The following TAMM41 variants were observed in gnomAD, a reference collection of about 807,000 sequenced individuals.
TAMM41 encodes TAM41 mitochondrial translocator assembly and maintenance homolog.
In TAMM41, 36 loss-of-function variants were observed where a neutral mutation model predicts 44.1. The observed-to-expected ratio is 0.82, with a 90% CI of 0.63 to 1.08. The LOEUF (loss-of-function observed/expected upper bound fraction) is 1.08, where lower values mean the gene tolerates loss of function less well. Ranked by LOEUF, TAMM41 falls within the 50% of genes least tolerant of loss-of-function variation. The pLI, the probability that TAMM41 is intolerant of heterozygous loss-of-function variation, is 0.00. For synonymous variants in TAMM41, 164 were observed against 153.1 expected, an observed-to-expected ratio of 1.07 and a Z score of -0.53; for missense variants, 417 against 404.3, an observed-to-expected ratio of 1.03 and a Z score of -0.27.
At chr3:11,807,975 C>T in intron 6 of TAMM41, 80 bp from the exon 7 acceptor site, 1 of 1,451,670 alleles carries the variant, frequency 6.9e-7, no homozygotes, top group East Asian at 2.5e-5. Flanking sequence ...AAACTTGAAA[C>T]TAAATATTCT....
At chr3:11,769,892 G>A in the TAMM41 span, among the ~76,000 whole-genome samples, 7,606 of 152,278 alleles carry the variant, frequency 0.05, 674 homozygotes, top group African/African-American at 0.17. Flanking sequence ...ACCTAGTTAT[G>A]CAAAGAGCAT....
chr3:11,727,363 G>A, the TAMM41 span, among the ~76,000 whole-genome samples: 2 of 152,154 alleles, frequency 1.3e-5, no homozygotes, highest in African/African-American at 4.8e-5. Flanking sequence ...AGGCTTGCAG[G>A]ACCCACCCAG....
chr3:11,787,404 T>A (rs2077423916), downstream of TAMM41, among the ~76,000 whole-genome samples: 1 of 152,198 alleles, frequency 6.6e-6, no homozygotes, highest in Admixed American at 6.5e-5. Flanking sequence ...TCCAGGGATG[T>A]TAGCAGCGTC....
chr3:11,793,059 CAAAAAA>C (rs61264653), intron 7 of TAMM41, among the ~76,000 whole-genome samples: 4 of 65,122 alleles, frequency 6.1e-5, no homozygotes, highest in South Asian at 8.3e-4. Flanking sequence ...GGCCCCATCT[CAAAAAA>C]AAAAAAAAAA....
At position 11,819,693 on chromosome 3, in the gene TAMM41, G is replaced by A. The variant is rs140448788; in HGVS notation, c.563-2356C>T. On this transcript the variant is annotated intron_variant, in intron 4 of 7. Coordinates refer to ENST00000455809, the MANE Select transcript of TAMM41 (RefSeq NM_001284401.2). The stretch of plus-strand genomic sequence containing the variant: ...GGGGAATGTTTGAGCTCAGGAGTTC[G>A]AGACCAGCCTGGGCAACATAGCGAG... Among the ~76,000 whole-genome samples the A allele has an allele frequency of 3.5e-3, 535 of 151,970 alleles. 2 individuals carry two copies. Among genetic ancestry groups the A allele is most frequent in the African/African-American group, 0.012 (511 of 41,468 alleles).
chr3:11,798,689 T>G (rs118034165), intron 7 of TAMM41, among the ~76,000 whole-genome samples: 1 of 152,156 alleles, frequency 6.6e-6, no homozygotes, highest in East Asian at 1.9e-4. Context: ...TGGAGAAGGA[T>G]AGAGGTTCTG....
intron 7 of TAMM41, among the ~76,000 whole-genome samples, chr3:11,797,667 G>A (rs759566012): frequency 1.3e-4 from 20 of 152,144 alleles, no homozygotes; most frequent in Non-Finnish European, 2.2e-4. Context: ...GAGCTTCTGC[G>A]CAGCAAAAGA....
At chr3:11,758,830 C>T in the TAMM41 span, among the ~76,000 whole-genome samples, 3 of 152,062 alleles carry the variant, frequency 2.0e-5, no homozygotes, top group Non-Finnish European at 2.9e-5. Context: ...TGCACCACCA[C>T]GCCCGGCTAA....
chr3:11,811,205 T>C (rs1259352944), intron 5 of TAMM41: 2 of 152,266 alleles, frequency 1.3e-5, no homozygotes, highest in African/African-American at 4.8e-5. Context: ...TAGGTTTTTA[T>C]CTAAATATTT....
the TAMM41 span, among the ~76,000 whole-genome samples, chr3:11,765,207 G>A: frequency 6.6e-6 from 1 of 152,102 alleles, no homozygotes. Context: ...ATGATCAAGT[G>A]GACCCAGGGA....
At chr3:11,730,248 C>G in the TAMM41 span, among the ~76,000 whole-genome samples, 2 of 151,820 alleles carry the variant, frequency 1.3e-5, no homozygotes, top group Admixed American at 6.6e-5. Context: ...TGGCAAAACC[C>G]CATCTCTACT....
intron 2 of TAMM41, among the ~76,000 whole-genome samples, chr3:11,840,362 A>C (rs1418568999): frequency 6.6e-6 from 1 of 151,692 alleles, no homozygotes; most frequent in East Asian, 1.9e-4. Flanking sequence ...CCTCCTGAGT[A>C]GCTGGGATTA....
chr3:11,733,281 G>A, the TAMM41 span, among the ~76,000 whole-genome samples: 8 of 152,028 alleles, frequency 5.3e-5, no homozygotes, highest in Non-Finnish European at 1.0e-4. Flanking sequence ...TTACAGCCAT[G>A]AGCCACCGCA....
rs146395940 is a variant in TAMM41 at position 11,799,643 on chromosome 3, G to A, written c.937+8190C>T. On this transcript the variant is annotated intron_variant, in intron 7 of 7. Transcript: ENST00000455809. ...GTGAAGAAAAGGCTGTGCAGGAAGA[G>A]AGGTTAAAATGTTTAGAAAAATTTA... Among the ~76,000 whole-genome samples the A allele has an allele frequency of 4.3e-3, 656 of 152,284 alleles. 5 individuals carry two copies. The highest frequency in any genetic ancestry group is 6.4e-3 in the Non-Finnish European group (434 of 68,022).
downstream of TAMM41, among the ~76,000 whole-genome samples, chr3:11,787,491 C>A (rs955145693): frequency 2.0e-5 from 3 of 152,114 alleles, no homozygotes; most frequent in Non-Finnish European, 4.4e-5. Context: ...CCCAGCCTCC[C>A]AACATCTTTC....
At chr3:11,774,681 G>C in the TAMM41 span, among the ~76,000 whole-genome samples, 2 of 152,152 alleles carry the variant, frequency 1.3e-5, no homozygotes, top group Non-Finnish European at 2.9e-5. Context: ...GGAAGTCTGA[G>C]ATCAAGGCAC....
At chr3:11,740,401 T>C in the TAMM41 span, among the ~76,000 whole-genome samples, 3 of 152,194 alleles carry the variant, frequency 2.0e-5, no homozygotes, top group Admixed American at 6.6e-5. Context: ...TTTGCCCCAA[T>C]GGAAACATCT....
intron 2 of TAMM41, among the ~76,000 whole-genome samples, chr3:11,842,975 C>A (rs1319552436): frequency 6.6e-6 from 1 of 152,200 alleles, no homozygotes; most frequent in Non-Finnish European, 1.5e-5. Flanking sequence ...GATGCTTCAG[C>A]TGAAAGACAG....
In TAMM41 at chr3:11,799,092, T is replaced by C. The variant is rs1008095397; in HGVS notation, c.938-8511A>G. Among the ~76,000 whole-genome samples, 8 of 152,010 alleles carry C rather than the reference T, an allele frequency of 5.3e-5. No individual in the cohort carries two copies. The East Asian group carries it at 7.7e-4, about 15-fold the overall frequency. ...AACAAAAAAACAGCCAGGTGTGGTA[T>C]TGCATCCTTTAGACCCAGGTACTTG... On this transcript the variant is annotated intron_variant, in intron 7 of 7. Transcript: ENST00000455809.
Sources: gnomAD v4.1 joint callset for allele counts (sites outside exome capture counted in the v4.1 genomes callset) on GRCh38, gnomAD v4.1.1 for gene constraint, MANE v1.5 for transcripts, NCBI Gene and HGNC (gene_info 2026-07-23, HGNC 2026-07-21) for gene names.